DNMT3B: variants seen among roughly 807,000 people sequenced by gnomAD.
The protein encoded by DNMT3B is DNA methyltransferase 3 beta.
Under a neutral mutation model 120.2 loss-of-function variants are expected in DNMT3B, and 37 were observed. The ratio of observed to expected loss-of-function variants is 0.31; its 90% confidence interval spans 0.24 to 0.40. The LOEUF (loss-of-function observed/expected upper bound fraction) is 0.40. Ranked by LOEUF, DNMT3B falls within the 10% of genes least tolerant of loss-of-function variation. The pLI, the probability that DNMT3B is intolerant of heterozygous loss-of-function variation, is 1.00. For missense variants in DNMT3B, 878 were observed against 1,137.3 expected, an observed-to-expected ratio of 0.77 and a Z score of 3.28; for synonymous variants, 412 against 442.8, an observed-to-expected ratio of 0.93 and a Z score of 0.87.
Position 32,800,259 on chromosome 20 carries a change from C to CA in DNMT3B, c.1869dup (p.Tyr624IlefsTer14). 1 of 1,614,206 alleles carries CA rather than the reference C, an allele frequency of 6.2e-7. No homozygotes were observed. Among genetic ancestry groups the CA allele is most frequent in the Non-Finnish European group, 8.5e-7 (1 of 1,180,044 alleles). On this transcript the variant is annotated frameshift_variant, in exon 17 of 23. Coordinates refer to ENST00000328111, the MANE Select transcript of DNMT3B (RefSeq NM_006892.4). LOFTEE classifies it high-confidence loss of function. ...GAACCGTGAAGCACGAGGGGAATATCAAATACGTGAACGACGTGAGGAACA... is the reference window on the plus strand; with the variant it reads ...GAACCGTGAAGCACGAGGGGAATATCAAAATACGTGAACGACGTGAGGAACA...
At chr20:32,780,185 T>C (rs1245872101) in intron 1 of DNMT3B, 133 bp from the exon 2 acceptor site, 38 of 1,612,950 alleles carry the variant, frequency 2.4e-5, no homozygotes, top group Non-Finnish European at 3.2e-5. Context: ...GGTGGGGTAC[T>C]TGGGCAAGAG....
chr20:32,793,701 T>G (rs73112162), intron 10 of DNMT3B, 106 bp downstream of exon 10: 30,389 of 1,311,662 alleles, frequency 0.023, 435 homozygotes, highest in Non-Finnish European at 0.027. Context: ...TCTTGAAAAG[T>G]CAATCTGAAC....
chr20:32,762,785 T>C lies in DNMT3B; in HGVS notation c.-7+86T>C, dbSNP rs1011303705. On this transcript the variant is annotated intron_variant, in intron 1 of 22. Coordinates refer to ENST00000328111, the MANE Select transcript of DNMT3B (RefSeq NM_006892.4). The stretch of plus-strand genomic sequence containing the variant: ...AGGGGACGGCGGGGGCTCCCGAAGC[T>C]GCCGGGGAGAGACCCTCTCCAGGGA... The C allele has an allele frequency of 1.2e-4, 19 of 154,174 alleles. No homozygotes were observed. In the South Asian group the frequency reaches 2.2e-3, roughly 18 times the overall value. 9.6% of individuals were successfully genotyped at this position (154,174 alleles called of 1,614,324 possible). A position where few individuals can be genotyped will look rare whatever the true frequency, so the allele number is the denominator to read the frequency against.
intron 20 of DNMT3B, 93 bp downstream of exon 20, chr20:32,802,563 C>G: frequency 1.5e-6 from 2 of 1,299,638 alleles, no homozygotes; most frequent in South Asian, 1.2e-5. Flanking sequence ...AGACCTGGCT[C>G]TGCTGAGAAA....
chr20:32,765,729 T>C (rs967656116), intron 1 of DNMT3B, among the ~76,000 whole-genome samples: 4 of 147,178 alleles, frequency 2.7e-5, no homozygotes, highest in Non-Finnish European at 4.5e-5. Context: ...TGCTTTTTAT[T>C]TATTTATTTA....
intron 1 of DNMT3B, among the ~76,000 whole-genome samples, chr20:32,766,186 AT>A (rs1420899469): frequency 1.3e-5 from 2 of 152,156 alleles, no homozygotes; most frequent in Non-Finnish European, 2.9e-5. Context: ...TCTACAAAAA[AT>A]ACAAAAAGTA....
At position 32,792,659 on chromosome 20, in the gene DNMT3B, A is replaced by G. The variant is rs761984399; in HGVS notation, c.955A>G (p.Ser319Gly). 3 of 1,614,126 alleles carry G rather than the reference A, an allele frequency of 1.9e-6. No individual in the cohort carries two copies. The highest frequency in any genetic ancestry group is 2.2e-5 in the South Asian group (2 of 91,096). ...GGTGCGAGCTGGCAAGACCTTCCCC[A>G]GCAGCCCTGGAGACTCATTGGAGGA... The part of the protein sequence containing the change: ...ARVRAGKTFP[S>G]SPGDSLEDQL... Residue 319 changes from serine (S) to glycine (G), a missense_variant, in exon 9 of 23, where the codon AGC becomes GGC. By Grantham distance (56) the Ser-to-Gly change is moderately conservative (BLOSUM62 0). Coordinates refer to ENST00000328111, the MANE Select transcript of DNMT3B (RefSeq NM_006892.4).
intron 20 of DNMT3B, among the ~76,000 whole-genome samples, chr20:32,802,823 G>A (rs74537176): frequency 0.017 from 2,658 of 152,268 alleles, 33 homozygotes; most frequent in Non-Finnish European, 0.028. Context: ...AACAAAGTGA[G>A]ACCCCGTCTC....
At chr20:32,806,010 T>C (rs1167838403) in intron 21 of DNMT3B, among the ~76,000 whole-genome samples, 199 bp from the exon 22 acceptor site, 1 of 152,142 alleles carries the variant, frequency 6.6e-6, no homozygotes, top group Non-Finnish European at 1.5e-5. Flanking sequence ...CCAACTCTGC[T>C]TTTCGCTCCC....
chr20:32,781,321 A>C, intron 2 of DNMT3B, 32 bp from the exon 3 acceptor site: 1 of 1,577,060 alleles, frequency 6.3e-7, no homozygotes, highest in Non-Finnish European at 8.6e-7. Flanking sequence ...GCCTGCCCCC[A>C]CAAAACAGAC....
rs1233383085 is a variant in DNMT3B at position 32,784,755 on chromosome 20, A to C, written c.205-3A>C. 1 of 1,613,856 alleles carries C rather than the reference A, an allele frequency of 6.2e-7. No homozygotes were observed. Among genetic ancestry groups the C allele is most frequent in the East Asian group, 2.2e-5 (1 of 44,892 alleles). On this transcript the variant is annotated splice_polypyrimidine_tract_variant and splice_region_variant and intron_variant, in intron 3 of 22. Transcript: ENST00000328111. Reference sequence around the variant, plus strand: ...ATCATGTTCATCATGTTTCCTTATAAAGGACTTGACAGGCGATGGCGACGG... The same window carrying C: ...ATCATGTTCATCATGTTTCCTTATACAGGACTTGACAGGCGATGGCGACGG...
chr20:32,791,987 C>T (rs545837871), intron 8 of DNMT3B, among the ~76,000 whole-genome samples: 1 of 152,310 alleles, frequency 6.6e-6, no homozygotes, highest in South Asian at 2.1e-4. Context: ...ATGTGCTTTT[C>T]CAGAGACCTC....
At chr20:32,789,301 G>A (rs1979688953) in intron 7 of DNMT3B, among the ~76,000 whole-genome samples, 1 of 152,188 alleles carries the variant, frequency 6.6e-6, no homozygotes, top group South Asian at 2.1e-4. Context: ...GAGGGGCCAG[G>A]AGTGGCCACG....
At chr20:32,765,555 G>A (rs1173193771) in intron 1 of DNMT3B, among the ~76,000 whole-genome samples, 1 of 149,380 alleles carries the variant, frequency 6.7e-6, no homozygotes, top group Non-Finnish European at 1.5e-5. Context: ...CGAGTAGCTG[G>A]GATTACATGC....
chr20:32,784,495 G>GT (rs1979015933), intron 3 of DNMT3B, among the ~76,000 whole-genome samples: 1 of 152,200 alleles, frequency 6.6e-6, no homozygotes, highest in African/African-American at 2.4e-5. Context: ...CAGCTTTTGT[G>GT]TTTGGCTTAT....
intron 10 of DNMT3B, among the ~76,000 whole-genome samples, chr20:32,795,159 A>C (rs1468372292): frequency 6.6e-6 from 1 of 152,182 alleles, no homozygotes. Context: ...CTCTGAGCTG[A>C]GTCATTTTTA....
At chr20:32,766,832 C>T (rs1248647002) in intron 1 of DNMT3B, among the ~76,000 whole-genome samples, 1 of 152,064 alleles carries the variant, frequency 6.6e-6, no homozygotes, top group Non-Finnish European at 1.5e-5. Flanking sequence ...TCCTCCTCAT[C>T]CTCTCAAAGT....
chr20:32,804,684 CTTTTTTT>C (rs537765800), intron 20 of DNMT3B, among the ~76,000 whole-genome samples: 11 of 112,670 alleles, frequency 9.8e-5, no homozygotes, highest in East Asian at 8.5e-4. Flanking sequence ...GGTGCTTAGT[CTTTTTTT>C]TTTTTTTTTT....
At chr20:32,798,016 C>T (rs1030100698) in intron 14 of DNMT3B, among the ~76,000 whole-genome samples, 9 of 151,976 alleles carry the variant, frequency 5.9e-5, no homozygotes, top group African/African-American at 2.2e-4. Flanking sequence ...AACGCTGCCT[C>T]GGCTGGTCTC....
Sources: gnomAD v4.1 joint callset for allele counts (sites outside exome capture counted in the v4.1 genomes callset) on GRCh38, gnomAD v4.1.1 for gene constraint, MANE v1.5 for transcripts, NCBI Gene and HGNC (gene_info 2026-07-23, HGNC 2026-07-21) for gene names.